DTYMK: variants seen among roughly 807,000 people sequenced by gnomAD.
DTYMK encodes deoxythymidylate kinase, also known as thymidylate kinase.
DTYMK carries 20 observed loss-of-function variants against 20.3 expected under a neutral mutation model. The observed-to-expected ratio is 0.99, with a 90% CI of 0.69 to 1.43. DTYMK has a LOEUF of 1.43. Ranked by LOEUF, DTYMK falls within the 40% of genes most tolerant of loss-of-function variation. DTYMK has a pLI of 0.00. For missense variants in DTYMK, 320 were observed against 291.1 expected (o/e 1.10, Z -0.72); for synonymous variants, 148 against 124.4 (o/e 1.19, Z -1.27).
At chr2:241,685,946 T>A in intron 1 of DTYMK, 69 bp from the exon 2 acceptor site, 9 of 1,455,554 alleles carry the variant, frequency 6.2e-6, no homozygotes, top group African/African-American at 1.4e-5. Flanking sequence ...CAATATAGTT[T>A]GGACTGAATT....
rs771347013 is a variant in DTYMK at position 241,678,630 on chromosome 2, C to T, written c.350G>A (p.Cys117Tyr). ...GGGAAGGCCCACGTCTGGCTGTTTA[C>T]ACCAATCTAGGGAAAAATTCTGCCA... ...GAKENFSLDW[C>Y]KQPDVGLPKP... Residue 117 changes from cysteine to tyrosine, a missense_variant, in exon 4 of 5, where the codon TGT becomes TAT. Transcript: ENST00000305784. 1 of 1,614,154 alleles carries T rather than the reference C, an allele frequency of 6.2e-7. No individual in the cohort carries two copies.
rs1481916865 is a variant in DTYMK, at chr2:241,676,101, A to C, written c.*26T>G. 5.7e-6 allele frequency: 9 copies of C among 1,579,210 alleles called. No individual in the cohort carries two copies. The highest frequency in any genetic ancestry group is 6.9e-6 in the Non-Finnish European group (8 of 1,159,892). On this transcript the variant is annotated 3_prime_UTR_variant, in exon 5 of 5. Coordinates refer to ENST00000305784, the MANE Select transcript of DTYMK (RefSeq NM_012145.4). Reference sequence around the variant, plus strand: ...CCACCTCTCGGGGGACTGCAGGGAGAGGCGTCTCCAGTGGGCAGCCTTGGG... The same window carrying C: ...CCACCTCTCGGGGGACTGCAGGGAGCGGCGTCTCCAGTGGGCAGCCTTGGG...
intron 2 of DTYMK, among the ~76,000 whole-genome samples, chr2:241,684,040 C>T (rs1438888465): frequency 1.3e-5 from 2 of 151,836 alleles, no homozygotes; most frequent in African/African-American, 4.8e-5. Context: ...CTGAGCAACA[C>T]AACGAGACTC....
chr2:241,680,342 G>A, intron 2 of DTYMK, 23 bp from the exon 3 acceptor site: 2 of 1,613,352 alleles, frequency 1.2e-6, no homozygotes, highest in Middle Eastern at 1.6e-4. Context: ...ATGCTCCTGA[G>A]CCCTGGTCCT....
intron 2 of DTYMK, among the ~76,000 whole-genome samples, chr2:241,680,589 C>G (rs2069235101): frequency 6.6e-6 from 1 of 152,056 alleles, no homozygotes; most frequent in Non-Finnish European, 1.5e-5. Context: ...AGGAGAATTG[C>G]TTGAACCCAG....
At chr2:241,681,317 G>A (rs1235792395) in intron 2 of DTYMK, among the ~76,000 whole-genome samples, 2 of 152,186 alleles carry the variant, frequency 1.3e-5, no homozygotes, top group East Asian at 1.9e-4. Flanking sequence ...CTCAATAAAC[G>A]CTGCTGGAAC....
In DTYMK at chr2:241,686,763, A is replaced by T; in HGVS notation, c.21T>A (p.Ala7=). Residue 7 remains alanine, a synonymous_variant, in exon 1 of 5, where the codon GCT becomes GCA. Coordinates refer to ENST00000305784, the MANE Select transcript of DTYMK (RefSeq NM_012145.4). ...GGTCCACGCCCTCCAGCACTATGAGAGCCCCGCGCCGGGCCGCCATGACTG... is the reference window on the plus strand; with the variant it reads ...GGTCCACGCCCTCCAGCACTATGAGTGCCCCGCGCCGGGCCGCCATGACTG... MAARRG[A]LIVLEGVDRA... The T allele has an allele frequency of 2.0e-6, 3 of 1,472,062 alleles. No homozygotes were observed. Among genetic ancestry groups the T allele is most frequent in the Non-Finnish European group, 2.7e-6 (3 of 1,125,864 alleles). 91.2% of individuals were successfully genotyped at this position (1,472,062 alleles called of 1,614,324 possible). A position where few individuals can be genotyped will look rare whatever the true frequency, so the allele number is the denominator to read the frequency against.
In DTYMK at chr2:241,678,436, A is replaced by T. The variant is rs4076639; in HGVS notation, c.528+16T>A. On this transcript the variant is annotated intron_variant, in intron 4 of 4. Coordinates refer to ENST00000305784, the MANE Select transcript of DTYMK (RefSeq NM_012145.4). ...ACTTCTCCACGCTTCCTAGTGTGCA[A>T]TTCTGGGATTCTCACCTTCCAGTTC... is the stretch of plus-strand genomic sequence containing the variant. 12 of 1,613,888 alleles carry T rather than the reference A, an allele frequency of 7.4e-6. No homozygotes were observed. The highest frequency in any genetic ancestry group is 1.3e-5 in the African/African-American group (1 of 74,996).
intron 4 of DTYMK, among the ~76,000 whole-genome samples, chr2:241,676,857 C>T (rs1333767997): frequency 1.3e-5 from 2 of 152,248 alleles, no homozygotes; most frequent in African/African-American, 2.4e-5. Context: ...GCCCTGCCCA[C>T]GCTCCTGTGG....
intron 2 of DTYMK, among the ~76,000 whole-genome samples, chr2:241,681,319 T>A (rs560777611): frequency 6.6e-6 from 1 of 152,340 alleles, no homozygotes; most frequent in East Asian, 1.9e-4. Context: ...CAATAAACGC[T>A]GCTGGAACAA....
Position 241,676,200 on chromosome 2 carries a change from T to C in DTYMK, c.566A>G (p.Glu189Gly), listed in dbSNP as rs1165502878. The C allele has an allele frequency of 6.2e-7, 1 of 1,613,060 alleles. No homozygotes were observed. The highest frequency in any genetic ancestry group is 8.5e-7 in the Non-Finnish European group (1 of 1,179,822). ...DASKSIEAVH[E>G]DIRVLSEDAI... ...GTCCTCAGAGAGCACGCGGATGTCC[T>C]CATGGACAGCTTCGATGCTTTTGGA... Residue 189 changes from glutamate to glycine, a missense_variant, in exon 5 of 5, where the codon GAG (glutamate) becomes GGG (glycine). By Grantham distance (98) the Glu-to-Gly change is moderately conservative. Transcript: ENST00000305784.
Position 241,677,410 on chromosome 2 carries a change from C to G in DTYMK, c.528+1042G>C, listed in dbSNP as rs187541797. On this transcript the variant is annotated intron_variant, in intron 4 of 4. Coordinates refer to ENST00000305784, the MANE Select transcript of DTYMK (RefSeq NM_012145.4). The stretch of plus-strand genomic sequence containing the variant: ...AGGGCACTGCTATCCCACCTGCGTT[C>G]CGGGAAACGAAAAGCTGCGTGACCA... Among the ~76,000 whole-genome samples, 24 of 152,364 alleles carry G rather than the reference C, an allele frequency of 1.6e-4. 1 individual carries two copies. In the East Asian group the frequency reaches 4.6e-3, roughly 29 times the overall value.
At position 241,680,124 on chromosome 2, in the gene DTYMK, A is replaced by G. The variant is rs1019434105; in HGVS notation, c.330+105T>C. The G allele has an allele frequency of 3.6e-5, 38 of 1,068,018 alleles. No individual in the cohort carries two copies. In the South Asian group the frequency reaches 5.2e-4, roughly 15 times the overall value. 66.2% of individuals were successfully genotyped at this position (1,068,018 alleles called of 1,614,324 possible). ...AGATAAAAGGAATATAAGAATCACG[A>G]AACTCTGCAGAGTAATCTGAGGCAT... On this transcript the variant is annotated intron_variant, in intron 3 of 4. Transcript: ENST00000305784.
chr2:241,682,204 G>T (rs1015776566), intron 2 of DTYMK: 4 of 452,584 alleles, frequency 8.8e-6, no homozygotes, highest in Non-Finnish European at 1.8e-5. Context: ...TTAGCCAGGT[G>T]TGTTAACGTG....
At position 241,675,916 on chromosome 2, in the gene DTYMK, T is replaced by C; in HGVS notation, c.*211A>G. 1 of 502,212 alleles carries C rather than the reference T, an allele frequency of 2.0e-6. No individual in the cohort carries two copies. Among genetic ancestry groups the C allele is most frequent in the East Asian group, 3.4e-5 (1 of 29,314 alleles). The allele number at this position is 502,212 out of a possible 1,614,324, so 31.1% of individuals were successfully genotyped here. A position where few individuals can be genotyped will look rare whatever the true frequency, so the allele number is the denominator to read the frequency against. On this transcript the variant is annotated 3_prime_UTR_variant, in exon 5 of 5. Coordinates refer to ENST00000305784, the MANE Select transcript of DTYMK (RefSeq NM_012145.4). The stretch of plus-strand genomic sequence containing the variant: ...AGAGGGCAGGAGACTGCTCCATCGC[T>C]CTGCTCATGTCCACACTGCCAAGGT...
At chr2:241,682,796 C>A (rs1272378513) in intron 2 of DTYMK, 2 of 176,970 alleles carry the variant, frequency 1.1e-5, no homozygotes, top group Non-Finnish European at 2.5e-5. Context: ...TGGTGGTGGG[C>A]ACCTGTGATC....
At chr2:241,686,597 C>A (rs2069415220) in intron 1 of DTYMK, 57 bp downstream of exon 1, 3 of 1,435,970 alleles carry the variant, frequency 2.1e-6, no homozygotes, top group South Asian at 1.5e-5. Flanking sequence ...AGCAAAGAGC[C>A]CCTGGGAAGG....
Position 241,676,098 on chromosome 2 carries a change from G to C in DTYMK, c.*29C>G. On this transcript the variant is annotated 3_prime_UTR_variant, in exon 5 of 5. Coordinates refer to ENST00000305784, the MANE Select transcript of DTYMK (RefSeq NM_012145.4). ...CTCCCACCTCTCGGGGGACTGCAGGGAGAGGCGTCTCCAGTGGGCAGCCTT... is the reference window on the plus strand; with the variant it reads ...CTCCCACCTCTCGGGGGACTGCAGGCAGAGGCGTCTCCAGTGGGCAGCCTT... 6.3e-7 allele frequency: 1 copy of C among 1,581,306 alleles called. No homozygotes were observed. Among genetic ancestry groups the C allele is most frequent in the East Asian group, 2.3e-5 (1 of 43,834 alleles).
rs1177654692 is a variant in DTYMK, at chr2:241,685,836, G to C, written c.172C>G (p.Gln58Glu). 6.2e-7 allele frequency: 1 copy of C among 1,614,008 alleles called. No homozygotes were observed. Among genetic ancestry groups the C allele is most frequent in the Non-Finnish European group, 8.5e-7 (1 of 1,180,020 alleles). ...EIGKLLSSYL[Q>E]KKSDVEDHSV... Reference sequence around the variant, plus strand: ...TGATCCTCCACGTCACTTTTCTTTTGCAAGTAGGAACTCAGAAGTTTGCCG... The same window carrying C: ...TGATCCTCCACGTCACTTTTCTTTTCCAAGTAGGAACTCAGAAGTTTGCCG... The change falls in exon 2 of 5, where the codon CAA becomes GAA. Residue 58 changes from glutamine to glutamate, a missense_variant. Transcript: ENST00000305784.
Sources: gnomAD v4.1 joint callset for allele counts (sites outside exome capture counted in the v4.1 genomes callset) on GRCh38, gnomAD v4.1.1 for gene constraint, MANE v1.5 for transcripts, NCBI Gene and HGNC (gene_info 2026-07-23, HGNC 2026-07-21) for gene names.